Variants in OXR1 observed in about 807,000 individuals in gnomAD.
OXR1 encodes the protein oxidation resistance 1, also known as oxidation resistance protein 1.
In OXR1, 41 loss-of-function variants were observed where a neutral mutation model predicts 104.6. That is an observed-to-expected ratio of 0.39 (90% CI 0.31 to 0.51). The LOEUF is 0.51. OXR1 is among the 20% of genes least tolerant of loss of function. The pLI, the probability that OXR1 is intolerant of heterozygous loss-of-function variation, is 0.77. For missense variants in OXR1, 955 were observed against 1,031.9 expected, an observed-to-expected ratio of 0.93 and a Z score of 1.02; for synonymous variants, 348 against 348.4, an observed-to-expected ratio of 1.00 and a Z score of 0.01.
intron 3 of OXR1, among the ~76,000 whole-genome samples, chr8:106,610,250 A>T (rs1054894322): frequency 6.6e-5 from 10 of 152,106 alleles, no homozygotes. Context: ...GCAAATTCTC[A>T]TCAGTTGATC....
At chr8:106,382,605 G>A (rs1000225885) in intron 2 of OXR1, among the ~76,000 whole-genome samples, 1 of 149,718 alleles carries the variant, frequency 6.7e-6, no homozygotes, top group Non-Finnish European at 1.5e-5. Flanking sequence ...CAACCCCACA[G>A]CCCAGCTCTG....
chr8:106,550,316 T>C (rs77317381), intron 3 of OXR1, among the ~76,000 whole-genome samples: 11,474 of 152,182 alleles, frequency 0.075, 555 homozygotes, highest in African/African-American at 0.13. Flanking sequence ...AGGGCAGAAA[T>C]CACAGTGTGT....
intron 2 of OXR1, among the ~76,000 whole-genome samples, chr8:106,467,215 A>T (rs1455743954): frequency 5.9e-5 from 9 of 152,026 alleles, no homozygotes; most frequent in Non-Finnish European, 8.8e-5. Flanking sequence ...TACTTCCTTC[A>T]TTCTGTCTAG....
At chr8:106,715,446 A>G (rs10089618) in intron 11 of OXR1, among the ~76,000 whole-genome samples, 20,611 of 148,108 alleles carry the variant, frequency 0.14, 1,752 homozygotes, top group East Asian at 0.37. Context: ...TATCTTATAT[A>G]TATATATATT....
intron 2 of OXR1, among the ~76,000 whole-genome samples, chr8:106,411,581 C>A (rs1227216630): frequency 6.6e-6 from 1 of 152,146 alleles, no homozygotes; most frequent in East Asian, 1.9e-4. Context: ...GTCCTTCACA[C>A]AATAGATGAC....
chr8:106,454,618 A>C (rs1420077343), intron 2 of OXR1, among the ~76,000 whole-genome samples: 3 of 152,058 alleles, frequency 2.0e-5, no homozygotes, highest in Non-Finnish European at 4.4e-5. Context: ...TTCATTTCAG[A>C]GGTGTTAAAA....
At chr8:106,336,847 C>G (rs1401434041) in intron 1 of OXR1, among the ~76,000 whole-genome samples, 6 of 152,118 alleles carry the variant, frequency 3.9e-5, no homozygotes, top group Non-Finnish European at 7.3e-5. Flanking sequence ...TCTTTAATAA[C>G]CTGAAAATGT....
At chr8:106,300,996 A>G (rs1244140365) in intron 1 of OXR1, among the ~76,000 whole-genome samples, 4 of 152,198 alleles carry the variant, frequency 2.6e-5, no homozygotes, top group African/African-American at 9.7e-5. Context: ...GGAATATTTC[A>G]GAGTGACTCA....
intron 2 of OXR1, among the ~76,000 whole-genome samples, chr8:106,373,098 G>A (rs1306369043): frequency 6.6e-6 from 1 of 152,104 alleles, no homozygotes; most frequent in Non-Finnish European, 1.5e-5. Context: ...ATTATATTAG[G>A]TATTATAAGT....
rs56303147 is a variant in OXR1 at position 106,276,753 on chromosome 8, C to CAA, written c.-139+6404_-139+6405dup. Among the ~76,000 whole-genome samples, 354 of 77,578 alleles carry CAA rather than the reference C, an allele frequency of 4.6e-3. 3 individuals carry two copies. The highest frequency in any genetic ancestry group is 7.4e-3 in the Middle Eastern group (1 of 136). The allele number at this position is 77,578 out of a possible 152,430, so 50.9% of individuals were successfully genotyped here. A position where few individuals can be genotyped will look rare whatever the true frequency, so the allele number is the denominator to read the frequency against. ...TTCAGCTGTTAGATTCTGTTAGAGGCAAAAAAAAAAAAAAAAAAAGGTAAC... is the reference window on the plus strand; with the variant it reads ...TTCAGCTGTTAGATTCTGTTAGAGGCAAAAAAAAAAAAAAAAAAAAAGGTAAC... On this transcript the variant is annotated intron_variant, in intron 1 of 16. Coordinates refer to ENST00000517566, the MANE Select transcript of OXR1 (RefSeq NM_001198533.2).
At chr8:106,698,117 A>G in intron 7 of OXR1, 1 of 701,674 alleles carries the variant, frequency 1.4e-6, no homozygotes, top group East Asian at 2.7e-5. Context: ...TTACATGCTT[A>G]TTTTCTACCC....
chr8:106,492,758 T>C (rs1414233881), intron 2 of OXR1, among the ~76,000 whole-genome samples: 1 of 152,174 alleles, frequency 6.6e-6, no homozygotes, highest in African/African-American at 2.4e-5. Flanking sequence ...CTATGCCTCA[T>C]ACACCTTAAA....
chr8:106,383,195 G>T (rs1016884210), intron 2 of OXR1, among the ~76,000 whole-genome samples: 3 of 152,108 alleles, frequency 2.0e-5, no homozygotes, highest in Admixed American at 6.6e-5. Flanking sequence ...TGAGTTGCTT[G>T]TATAATGATG....
At chr8:106,355,635 T>G (rs147063515) in intron 1 of OXR1, among the ~76,000 whole-genome samples, 5 of 152,242 alleles carry the variant, frequency 3.3e-5, no homozygotes, top group African/African-American at 1.2e-4. Context: ...ATAATTGCTA[T>G]GAATGGTCAC....
intron 3 of OXR1, among the ~76,000 whole-genome samples, chr8:106,611,583 G>T (rs1425622400): frequency 6.6e-6 from 1 of 152,150 alleles, no homozygotes; most frequent in Admixed American, 6.5e-5. Flanking sequence ...AACCAGAAGG[G>T]TGATGTCAGA....
chr8:106,515,705 G>A lies in OXR1; in HGVS notation c.24-3238G>A, dbSNP rs538139505. On this transcript the variant is annotated intron_variant, in intron 2 of 16. Transcript: ENST00000517566. ...TTAATCTTAATGCCTTCTTAGGTGC[G>A]TATAGTACTTCTGTAGCTTTTAGCT... 3.8e-4 allele frequency among the ~76,000 whole-genome samples: 58 copies of A among 152,066 alleles called. No individual in the cohort carries two copies. In the South Asian group the frequency reaches 1.0e-2, roughly 26 times the overall value.
chr8:106,547,781 T>C (rs749461345), intron 3 of OXR1, among the ~76,000 whole-genome samples: 1 of 152,112 alleles, frequency 6.6e-6, no homozygotes, highest in Non-Finnish European at 1.5e-5. Context: ...GGGATTACGG[T>C]TGTGAGCCAC....
Position 106,411,159 on chromosome 8 carries a change from AAG to A in OXR1, c.23+51527_23+51528del, listed in dbSNP as rs1818443290. On this transcript the variant is annotated intron_variant, in intron 2 of 16. Coordinates refer to ENST00000517566, the MANE Select transcript of OXR1 (RefSeq NM_001198533.2). ...AGAGAATTTGATCTAGTGTACAGGA[AAG>A]AGACAACTGCCCTATGAAAGTGACA... is the stretch of plus-strand genomic sequence containing the variant. 2.0e-5 allele frequency among the ~76,000 whole-genome samples: 3 copies of A among 152,284 alleles called. No individual in the cohort carries two copies. In the South Asian group the frequency reaches 6.2e-4, roughly 32 times the overall value.
In OXR1 at chr8:106,692,799, A is replaced by G. The variant is rs371740005; in HGVS notation, c.597A>G (p.Val199=). 1 of 1,605,702 alleles carries G rather than the reference A, an allele frequency of 6.2e-7. No homozygotes were observed. Among genetic ancestry groups the G allele is most frequent in the South Asian group, 1.1e-5 (1 of 90,538 alleles). ...TFTGIRPARV[V]SSTSEEEEAF... ...CTGGTATTCGACCTGCACGAGTTGT[A>G]TCTTCAACTTCTGAGGAGGAGGAAG... Residue 199 remains valine (V), a synonymous_variant, in exon 7 of 17, where the codon GTA becomes GTG. Transcript: ENST00000517566.
Sources: gnomAD v4.1 joint callset for allele counts (sites outside exome capture counted in the v4.1 genomes callset) on GRCh38, gnomAD v4.1.1 for gene constraint, MANE v1.5 for transcripts, NCBI Gene and HGNC (gene_info 2026-07-23, HGNC 2026-07-21) for gene names.